CDC73: variants seen among roughly 807,000 people sequenced by gnomAD.
CDC73 encodes the protein parafibromin.
Under a neutral mutation model 83.7 loss-of-function variants are expected in CDC73, and 21 were observed. The observed-to-expected ratio is 0.25, with a 90% CI of 0.18 to 0.36. CDC73 has a LOEUF of 0.36. Ranked by LOEUF, CDC73 falls within the 10% of genes least tolerant of loss-of-function variation. The pLI is 1.00. For missense variants in CDC73, 342 were observed against 653.3 expected (o/e 0.52, Z 5.19); for synonymous variants, 224 against 212.9 (o/e 1.05, Z -0.45).
intron 15 of CDC73, among the ~76,000 whole-genome samples, chr1:193,245,761 A>G (rs749969076): frequency 7.9e-5 from 12 of 152,140 alleles, no homozygotes; most frequent in Non-Finnish European, 1.3e-4. Flanking sequence ...ACAATGTATA[A>G]GAGTTGCCCT....
intron 5 of CDC73, among the ~76,000 whole-genome samples, chr1:193,137,256 A>G (rs2103123173): frequency 6.6e-6 from 1 of 152,356 alleles, no homozygotes; most frequent in East Asian, 1.9e-4. Flanking sequence ...CATTTATTTC[A>G]GCTGATTTAT....
intron 10 of CDC73, among the ~76,000 whole-genome samples, chr1:193,160,743 A>G (rs921069508): frequency 2.6e-5 from 4 of 152,036 alleles, no homozygotes; most frequent in Non-Finnish European, 5.9e-5. Context: ...TTTTGAACAA[A>G]TATTAATCTT....
chr1:193,158,692 GCTTGT>G (rs1473075922), intron 10 of CDC73, among the ~76,000 whole-genome samples: 1 of 151,976 alleles, frequency 6.6e-6, no homozygotes, highest in African/African-American at 2.4e-5. Flanking sequence ...AAAACTTGTT[GCTTGT>G]CTTGATATTT....
At chr1:193,207,320 A>G (rs368926792) in intron 11 of CDC73, among the ~76,000 whole-genome samples, 18 of 152,340 alleles carry the variant, frequency 1.2e-4, no homozygotes, top group African/African-American at 1.9e-4. Flanking sequence ...ATGAGGGTCT[A>G]TGTCCCTCTC....
intron 10 of CDC73, among the ~76,000 whole-genome samples, chr1:193,200,977 A>C (rs1677081720): frequency 6.6e-6 from 1 of 152,066 alleles, no homozygotes; most frequent in Non-Finnish European, 1.5e-5. Flanking sequence ...CTATAAATTC[A>C]TGACATGATT....
At chr1:193,125,247 T>C in intron 2 of CDC73, 30 bp downstream of exon 2, 1 of 1,202,462 alleles carries the variant, frequency 8.3e-7, no homozygotes, top group South Asian at 1.2e-5. Flanking sequence ...CTTATCTATC[T>C]ATTTATCAGT....
In CDC73 at chr1:193,171,894, T is replaced by G. The variant is rs140817529; in HGVS notation, c.972+19450T>G. ...TGTTAGTGTTGGAAGAATAAAAATT[T>G]TATGAATTTTTGGTTGCTTAATGTT... On this transcript the variant is annotated intron_variant, in intron 10 of 16. Coordinates refer to ENST00000367435, the MANE Select transcript of CDC73 (RefSeq NM_024529.5). Among the ~76,000 whole-genome samples the G allele has an allele frequency of 3.1e-3, 466 of 152,276 alleles. 4 individuals are homozygous for G. The highest frequency in any genetic ancestry group is 0.011 in the African/African-American group (449 of 41,548).
chr1:193,179,039 A>G (rs1676662664), intron 10 of CDC73: 1 of 152,216 alleles, frequency 6.6e-6, no homozygotes, highest in South Asian at 2.1e-4. Context: ...TACTTATAAC[A>G]CTCAGTAAAG....
chr1:193,230,179 C>T (rs190418632), intron 13 of CDC73, among the ~76,000 whole-genome samples: 1 of 147,626 alleles, frequency 6.8e-6, no homozygotes, highest in Non-Finnish European at 1.5e-5. Context: ...GGCAGAGTCT[C>T]ACTCTGTCCC....
At chr1:193,172,635 A>G (rs952768917) in intron 10 of CDC73, among the ~76,000 whole-genome samples, 3 of 152,176 alleles carry the variant, frequency 2.0e-5, no homozygotes, top group Admixed American at 1.3e-4. Flanking sequence ...GCCTAAGTCA[A>G]GCATTCCATC....
chr1:193,159,532 G>A (rs1676270319), intron 10 of CDC73, among the ~76,000 whole-genome samples: 3 of 151,864 alleles, frequency 2.0e-5, no homozygotes, highest in African/African-American at 7.3e-5. Flanking sequence ...CACCATGCCT[G>A]GCTAATTTTT....
chr1:193,219,216 G>A (rs1677422173), intron 13 of CDC73, among the ~76,000 whole-genome samples: 3 of 152,132 alleles, frequency 2.0e-5, no homozygotes, highest in Admixed American at 6.5e-5. Context: ...AGTCAAAATG[G>A]CTATTATGAA....
chr1:193,134,655 C>T (rs747727233), intron 3 of CDC73, among the ~76,000 whole-genome samples: 5 of 151,792 alleles, frequency 3.3e-5, no homozygotes, highest in Non-Finnish European at 4.4e-5. Context: ...GGTGACAGAG[C>T]GAGACTCCGT....
intron 8 of CDC73, among the ~76,000 whole-genome samples, chr1:193,150,001 G>A (rs2103131965): frequency 6.6e-6 from 1 of 152,230 alleles, no homozygotes; most frequent in South Asian, 2.1e-4. Context: ...CTTTAGCCAG[G>A]TATGGTGGCT....
rs549436032 is a variant in CDC73, at chr1:193,128,524, C to T, written c.238-1650C>T. 3.0e-4 allele frequency among the ~76,000 whole-genome samples: 45 copies of T among 151,846 alleles called. No homozygotes were observed. The East Asian group carries it at 4.7e-3, about 16-fold the overall frequency. ...TTTTCCATGTTGCTCAGGCTGGTCTCGAACTCCTGGGCTCCAGCAATCCAC... is the reference window on the plus strand; with the variant it reads ...TTTTCCATGTTGCTCAGGCTGGTCTTGAACTCCTGGGCTCCAGCAATCCAC... On this transcript the variant is annotated intron_variant, in intron 2 of 16. Transcript: ENST00000367435.
In CDC73 at chr1:193,205,205, C is replaced by G. The variant is rs538532613; in HGVS notation, c.1030+1353C>G. Among the ~76,000 whole-genome samples the G allele has an allele frequency of 1.6e-5, 2 of 123,540 alleles. 1 individual carries two copies. Among genetic ancestry groups the G allele is most frequent in the African/African-American group, 6.9e-5 (2 of 28,900 alleles). 81.0% of individuals were successfully genotyped at this position (123,540 alleles called of 152,430 possible). A position where few individuals can be genotyped will look rare whatever the true frequency, so the allele number is the denominator to read the frequency against. ...AGGCTATACCACCTGTCCCCCCCCC[C>G]CCCTTTTTTTTTAAACTCATCAGTG... On this transcript the variant is annotated intron_variant, in intron 11 of 16. Transcript: ENST00000367435.
At chr1:193,126,020 G>A (rs1402252094) in intron 2 of CDC73, among the ~76,000 whole-genome samples, 6 of 152,064 alleles carry the variant, frequency 3.9e-5, no homozygotes, top group Non-Finnish European at 8.8e-5. Flanking sequence ...CAGCTACTTG[G>A]GACTCTAAGG....
At chr1:193,214,966 A>G (rs910074252) in intron 13 of CDC73, among the ~76,000 whole-genome samples, 5 of 152,238 alleles carry the variant, frequency 3.3e-5, no homozygotes, top group African/African-American at 1.2e-4. Flanking sequence ...ACTCTAGATG[A>G]ATATACAACA....
In CDC73 at chr1:193,212,621, A is replaced by T. The variant is rs115158706; in HGVS notation, c.1154+144A>T. 0.012 allele frequency: 5,700 copies of T among 469,160 alleles called. 64 individuals carry two copies. Among genetic ancestry groups the T allele is most frequent in the South Asian group, 0.032 (570 of 17,720 alleles). The allele number at this position is 469,160 out of a possible 1,614,324, so 29.1% of individuals were successfully genotyped here. ...GCCTTACACATAGTATGAAGCATAC[A>T]TTTTCAAAACAGAATATATTCTTTT... On this transcript the variant is annotated intron_variant, in intron 13 of 16. Coordinates refer to ENST00000367435, the MANE Select transcript of CDC73 (RefSeq NM_024529.5).
Sources: allele counts gnomAD v4.1 joint callset (sites outside exome capture counted in the v4.1 genomes callset), GRCh38; gene constraint gnomAD v4.1.1; transcripts MANE v1.5; gene names NCBI Gene and HGNC (gene_info 2026-07-23, HGNC 2026-07-21).